Variants in PTPRD observed in about 807,000 individuals in gnomAD.
PTPRD encodes receptor-type tyrosine-protein phosphatase delta.
PTPRD carries 34 observed loss-of-function variants against 214.5 expected under a neutral mutation model. That is an observed-to-expected ratio of 0.16 (90% CI 0.12 to 0.21). The LOEUF (loss-of-function observed/expected upper bound fraction) is 0.21, where lower values mean the gene tolerates loss of function less well. PTPRD is among the 10% of genes least tolerant of loss of function. The pLI is 1.00. For synonymous variants in PTPRD, 1,128 were observed against 845.7 expected, an observed-to-expected ratio of 1.33 and a Z score of -5.79; for missense variants, 2,545 against 2,398.7, an observed-to-expected ratio of 1.06 and a Z score of -1.27.
At chr9:9,567,703 T>C (rs1249738286) in intron 8 of PTPRD, among the ~76,000 whole-genome samples, 1 of 152,010 alleles carries the variant, frequency 6.6e-6, no homozygotes, top group Non-Finnish European at 1.5e-5. Flanking sequence ...TTAAGGGAAC[T>C]TGAATTTTTT....
At chr9:9,664,846 G>A (rs1051869815) in intron 7 of PTPRD, among the ~76,000 whole-genome samples, 9 of 151,582 alleles carry the variant, frequency 5.9e-5, no homozygotes, top group Non-Finnish European at 1.3e-4. Flanking sequence ...TCTGGAAGCT[G>A]GTAACCTTTA....
At chr9:8,881,033 C>T (rs1255405272) in intron 11 of PTPRD, among the ~76,000 whole-genome samples, 13 of 152,162 alleles carry the variant, frequency 8.5e-5, no homozygotes, top group Admixed American at 8.5e-4. Flanking sequence ...TCCCAAAGTG[C>T]TAGAATTATA....
intron 11 of PTPRD, among the ~76,000 whole-genome samples, chr9:8,762,805 T>C (rs1175310400): frequency 1.3e-5 from 2 of 152,176 alleles, no homozygotes; most frequent in African/African-American, 4.8e-5. Flanking sequence ...GAGATATAGC[T>C]ATATAGATAA....
chr9:8,622,992 C>CA (rs142765085), intron 14 of PTPRD, among the ~76,000 whole-genome samples: 17,131 of 145,012 alleles, frequency 0.12, 1,141 homozygotes, highest in South Asian at 0.2. Flanking sequence ...TTACAAAATA[C>CA]AAAAAAAAAA....
chr9:8,731,710 G>T (rs1474849119), intron 12 of PTPRD, among the ~76,000 whole-genome samples: 1 of 152,138 alleles, frequency 6.6e-6, no homozygotes, highest in Non-Finnish European at 1.5e-5. Flanking sequence ...GATTGCAAAT[G>T]GATGTCCCTT....
chr9:9,001,087 A>C (rs1162615506), intron 11 of PTPRD, among the ~76,000 whole-genome samples: 2 of 151,984 alleles, frequency 1.3e-5, no homozygotes, highest in Non-Finnish European at 2.9e-5. Flanking sequence ...TTGTGGAGAA[A>C]GGTAGGGGAA....
intron 3 of PTPRD, among the ~76,000 whole-genome samples, chr9:10,122,924 G>T (rs1365633979): frequency 6.6e-6 from 1 of 152,192 alleles, no homozygotes; most frequent in Non-Finnish European, 1.5e-5. Flanking sequence ...GATATAAAAA[G>T]ATTGCGGCAG....
intron 35 of PTPRD, among the ~76,000 whole-genome samples, chr9:8,424,916 T>C (rs756954871): frequency 6.6e-6 from 1 of 152,210 alleles, no homozygotes; most frequent in Non-Finnish European, 1.5e-5. Context: ...ATACTCTGAT[T>C]GCTGCATCTG....
intron 2 of PTPRD, among the ~76,000 whole-genome samples, chr9:10,482,232 G>A (rs1045974218): frequency 2.4e-4 from 37 of 151,876 alleles, no homozygotes; most frequent in Admixed American, 9.8e-4. Flanking sequence ...TTAGCCGGGC[G>A]TGGTGGCGGG....
At chr9:10,553,609 G>T (rs1048299539) in intron 2 of PTPRD, among the ~76,000 whole-genome samples, 2 of 151,836 alleles carry the variant, frequency 1.3e-5, no homozygotes, top group East Asian at 1.9e-4. Context: ...GTTTCATCTG[G>T]CTTTATTTAC....
At chr9:10,428,489 C>G (rs1187810161) in intron 2 of PTPRD, among the ~76,000 whole-genome samples, 3 of 151,928 alleles carry the variant, frequency 2.0e-5, no homozygotes, top group East Asian at 1.9e-4. Context: ...ACCTTTTTGT[C>G]TCAATGCTGT....
chr9:8,849,383 C>A (rs1056253652), intron 11 of PTPRD, among the ~76,000 whole-genome samples: 6 of 151,892 alleles, frequency 4.0e-5, no homozygotes, highest in African/African-American at 1.5e-4. Flanking sequence ...CCCACCACCA[C>A]GCCCAGCTTA....
intron 11 of PTPRD, among the ~76,000 whole-genome samples, chr9:8,771,717 T>A (rs1434971378): frequency 6.6e-6 from 1 of 152,110 alleles, no homozygotes; most frequent in African/African-American, 2.4e-5. Context: ...GAGAACACTG[T>A]TTTCAAATTG....
intron 3 of PTPRD, among the ~76,000 whole-genome samples, chr9:10,184,897 C>T (rs557971690): frequency 1.3e-5 from 2 of 152,106 alleles, no homozygotes; most frequent in Admixed American, 6.6e-5. Flanking sequence ...TTACACATCA[C>T]ACCTGAAGGG....
intron 10 of PTPRD, among the ~76,000 whole-genome samples, chr9:9,051,198 A>T (rs1362470923): frequency 6.6e-6 from 1 of 151,526 alleles, no homozygotes; most frequent in Non-Finnish European, 1.5e-5. Context: ...GTACACCACA[A>T]ATATTTACAA....
chr9:9,590,487 C>A (rs570620028), intron 7 of PTPRD, among the ~76,000 whole-genome samples: 69 of 152,036 alleles, frequency 4.5e-4, no homozygotes, highest in African/African-American at 1.5e-3. Flanking sequence ...ACTACTTCTT[C>A]TTATTATCTG....
intron 10 of PTPRD, among the ~76,000 whole-genome samples, chr9:9,072,739 G>A (rs185681880): frequency 7.8e-4 from 119 of 152,244 alleles, no homozygotes; most frequent in East Asian, 7.5e-3. Context: ...GGGACTTGAC[G>A]AAAGTGAAGT....
chr9:8,554,560 C>T (rs527864052), intron 14 of PTPRD, among the ~76,000 whole-genome samples: 97 of 152,244 alleles, frequency 6.4e-4, no homozygotes, highest in Non-Finnish European at 1.2e-3. Flanking sequence ...GACACAGAGG[C>T]CATACTAAGT....
At chr9:8,426,453 T>C (rs1027809973) in intron 35 of PTPRD, among the ~76,000 whole-genome samples, 1 of 152,056 alleles carries the variant, frequency 6.6e-6, no homozygotes, top group Admixed American at 6.6e-5. Context: ...CAATAAAGAG[T>C]GTCTTTTTTC....
Sources: gnomAD v4.1 joint callset for allele counts (sites outside exome capture counted in the v4.1 genomes callset) on GRCh38, gnomAD v4.1.1 for gene constraint, MANE v1.5 for transcripts, NCBI Gene and HGNC (gene_info 2026-07-23, HGNC 2026-07-21) for gene names.